ZNF829: variants seen among roughly 807,000 people sequenced by gnomAD.
ZNF829 encodes zinc finger protein 829.
In ZNF829, 25 loss-of-function variants were observed where a neutral mutation model predicts 35.2. That is an observed-to-expected ratio of 0.71 (90% CI 0.52 to 0.99). The LOEUF (loss-of-function observed/expected upper bound fraction) is 0.99, where lower values mean the gene tolerates loss of function less well. Ranked by LOEUF, ZNF829 falls within the 50% of genes least tolerant of loss-of-function variation. The pLI is 0.00. For missense variants in ZNF829, 417 were observed against 515.3 expected, an observed-to-expected ratio of 0.81 and a Z score of 1.85; for synonymous variants, 136 against 163.2, an observed-to-expected ratio of 0.83 and a Z score of 1.27.
At chr19:36,910,776 G>T (rs181396161) in intron 3 of ZNF829, among the ~76,000 whole-genome samples, 1 of 152,132 alleles carries the variant, frequency 6.6e-6, no homozygotes, top group Non-Finnish European at 1.5e-5. Flanking sequence ...GGAAGCCAAG[G>T]GGGGTGGATC....
intron 5 of ZNF829, chr19:36,906,709 T>C (rs1211635762): frequency 1.3e-5 from 2 of 152,198 alleles, no homozygotes; most frequent in East Asian, 3.9e-4. Flanking sequence ...TTATGTTTAA[T>C]AGCTAAAAAC....
chr19:36,892,464 T>C lies in ZNF829; in HGVS notation c.327A>G (p.Glu109=). The C allele has an allele frequency of 1.3e-6, 2 of 1,567,186 alleles. No individual in the cohort carries two copies. The highest frequency in any genetic ancestry group is 2.4e-5 in the South Asian group (2 of 84,894). Residue 109 remains glutamate, a synonymous_variant, in exon 6 of 6, where the codon GAA becomes GAG. Coordinates refer to ENST00000391711, the MANE Select transcript of ZNF829 (RefSeq NM_001037232.4). ...ELTRGLCSDL[E]SMCETKILSL... ...ATAATATTTTGGTCTCACACATTGA[T>C]TCCAGATCTGAAAGAAAATACAAAG... is the stretch of plus-strand genomic sequence containing the variant.
In ZNF829 at chr19:36,892,072, T is replaced by C. The variant is rs760218666; in HGVS notation, c.719A>G (p.Tyr240Cys). The stretch of plus-strand genomic sequence containing the variant: ...GGCTTTTCCACATTCCTTACATTCA[T>C]AGGGTTTCTCACCAGTGTGAATCCT... Reference protein sequence around the residue: ...HQRIHTGEKPYECKECGKAFK... With the variant: ...HQRIHTGEKPCECKECGKAFK... The change falls in exon 6 of 6, where the codon TAT becomes TGT. Residue 240 changes from tyrosine (Y) to cysteine (C), a missense_variant. By Grantham distance (194) the Tyr-to-Cys change is radical. Coordinates refer to ENST00000391711, the MANE Select transcript of ZNF829 (RefSeq NM_001037232.4). The C allele has an allele frequency of 2.5e-6, 4 of 1,613,954 alleles. No individual in the cohort carries two copies. The South Asian group carries it at 3.3e-5, about 13-fold the overall frequency.
chr19:36,908,536 G>A (rs946777466), intron 3 of ZNF829, 77 bp from the exon 4 acceptor site: 1 of 1,496,544 alleles, frequency 6.7e-7, no homozygotes. Context: ...AAAGGACAGA[G>A]TAAGCAAAAT....
chr19:36,901,912 G>A, intron 5 of ZNF829: 2 of 762,708 alleles, frequency 2.6e-6, no homozygotes, highest in East Asian at 2.4e-5. Flanking sequence ...TGAAGGAGAT[G>A]GGAACTCCAG....
chr19:36,905,701 G>C (rs1354514451), intron 5 of ZNF829: 1 of 152,202 alleles, frequency 6.6e-6, no homozygotes, highest in African/African-American at 2.4e-5. Context: ...GCCTCCCAAA[G>C]TGCTGGGATT....
chr19:36,903,171 G>A (rs1458682313), intron 5 of ZNF829, among the ~76,000 whole-genome samples: 6 of 152,154 alleles, frequency 3.9e-5, no homozygotes, highest in Non-Finnish European at 5.9e-5. Flanking sequence ...GATAATCCTC[G>A]AAAACCTGGA....
In ZNF829 at chr19:36,888,679, G is replaced by C. The variant is rs2073020962; in HGVS notation, c.*2813C>G. On this transcript the variant is annotated 3_prime_UTR_variant, in exon 6 of 6. Coordinates refer to ENST00000391711, the MANE Select transcript of ZNF829 (RefSeq NM_001037232.4). Reference sequence around the variant, plus strand: ...ACTCATTACCTAAATAATGTACCTTGTACTAAATAGGATTTTTTTTGGTTT... The same window carrying C: ...ACTCATTACCTAAATAATGTACCTTCTACTAAATAGGATTTTTTTTGGTTT... 1 of 152,136 alleles carries C rather than the reference G, an allele frequency of 6.6e-6. No individual in the cohort carries two copies. Among genetic ancestry groups the C allele is most frequent in the Non-Finnish European group, 1.5e-5 (1 of 68,060 alleles). The allele number at this position is 152,136 out of a possible 1,614,324, so 9.4% of individuals were successfully genotyped here. A position where few individuals can be genotyped will look rare whatever the true frequency, so the allele number is the denominator to read the frequency against.
intron 3 of ZNF829, among the ~76,000 whole-genome samples, chr19:36,910,887 A>G (rs1053932111): frequency 1.3e-5 from 2 of 152,062 alleles, no homozygotes; most frequent in African/African-American, 2.4e-5. Context: ...CATGCCTGTA[A>G]TCCCAGCTAC....
chr19:36,894,710 T>C (rs183403546), intron 5 of ZNF829, among the ~76,000 whole-genome samples: 31 of 152,196 alleles, frequency 2.0e-4, no homozygotes, highest in South Asian at 4.1e-4. Flanking sequence ...AGAAAGAATT[T>C]CTGAACTTGA....
intron 5 of ZNF829, among the ~76,000 whole-genome samples, chr19:36,895,987 C>T (rs931374371): frequency 5.9e-5 from 9 of 151,908 alleles, no homozygotes; most frequent in Non-Finnish European, 1.0e-4. Flanking sequence ...CCCAACATGA[C>T]GAAACCCTGT....
intron 5 of ZNF829, among the ~76,000 whole-genome samples, chr19:36,894,273 C>T (rs1236355303): frequency 6.6e-6 from 1 of 152,148 alleles, no homozygotes; most frequent in Non-Finnish European, 1.5e-5. Context: ...ACCCAACCAA[C>T]ACTATAAATA....
chr19:36,915,348 G>T, intron 1 of ZNF829, 97 bp from the exon 2 acceptor site: 5 of 1,438,734 alleles, frequency 3.5e-6, no homozygotes, highest in Non-Finnish European at 4.6e-6. Context: ...CACACTTAAG[G>T]CGACATGCAC....
chr19:36,905,190 G>A (rs1421135065), intron 5 of ZNF829, among the ~76,000 whole-genome samples: 1 of 151,956 alleles, frequency 6.6e-6, no homozygotes, highest in Non-Finnish European at 1.5e-5. Context: ...ATCTTATCCT[G>A]TAGAAATTAT....
At chr19:36,915,316 G>A in intron 1 of ZNF829, 65 bp from the exon 2 acceptor site, 3 of 1,519,348 alleles carry the variant, frequency 2.0e-6, no homozygotes, top group South Asian at 1.3e-5. Flanking sequence ...TACACAGAAT[G>A]CCACATACAT....
intron 1 of ZNF829, among the ~76,000 whole-genome samples, chr19:36,915,627 C>T (rs901243357): frequency 6.6e-6 from 1 of 152,070 alleles, no homozygotes; most frequent in South Asian, 2.1e-4. Context: ...GGGACAGAGT[C>T]TTGCCCTGTC....
chr19:36,892,117 G>T lies in ZNF829; in HGVS notation c.674C>A (p.Ser225Ter). ...AATCCTCTGATGTTGAGAAAAATAT[G>T]AACTACAACTAAAAGCCTTGCCACA... ...KECGKAFSCS[S>*]YFSQHQRIHT... Residue 225 changes from serine (S) to a stop codon, truncating the protein, a stop_gained, in exon 6 of 6, where the codon TCA (serine) becomes TAA (stop). Coordinates refer to ENST00000391711, the MANE Select transcript of ZNF829 (RefSeq NM_001037232.4). LOFTEE classifies it high-confidence loss of function. The T allele has an allele frequency of 6.2e-7, 1 of 1,614,010 alleles. No homozygotes were observed. Among genetic ancestry groups the T allele is most frequent in the Non-Finnish European group, 8.5e-7 (1 of 1,179,984 alleles).
At chr19:36,899,095 CA>C (rs1210149858) in intron 5 of ZNF829, among the ~76,000 whole-genome samples, 2 of 152,098 alleles carry the variant, frequency 1.3e-5, no homozygotes, top group Admixed American at 1.3e-4. Context: ...AAAATATTTG[CA>C]AACTCTTCAC....
Position 36,915,256 on chromosome 19 carries a change from A to G in ZNF829, c.-84-5T>C, listed in dbSNP as rs540495043. The G allele has an allele frequency of 1.2e-6, 2 of 1,608,776 alleles. No homozygotes were observed. Among genetic ancestry groups the G allele is most frequent in the African/African-American group, 2.7e-5 (2 of 74,768 alleles). ...ACCAGACCTCAGAGAGGTTTCCTAG[A>G]GACAGAGTTCTGGAGTCACAATCGC... On this transcript the variant is annotated splice_polypyrimidine_tract_variant and splice_region_variant and intron_variant, in intron 1 of 5. Coordinates refer to ENST00000391711, the MANE Select transcript of ZNF829 (RefSeq NM_001037232.4).
Sources: gnomAD v4.1 joint callset for allele counts (sites outside exome capture counted in the v4.1 genomes callset) on GRCh38, gnomAD v4.1.1 for gene constraint, MANE v1.5 for transcripts, NCBI Gene and HGNC (gene_info 2026-07-23, HGNC 2026-07-21) for gene names.